MON2: variants seen among roughly 807,000 people sequenced by gnomAD.
The protein encoded by MON2 is MON2 regulator of endosome-to-Golgi trafficking, also known as protein MON2 homolog.
A neutral mutation model predicts 208.6 loss-of-function variants in MON2; 84 were observed. That is an observed-to-expected ratio of 0.40 (90% CI 0.34 to 0.48). MON2 has a LOEUF of 0.48. Among genes scored for constraint, MON2 ranks in the 20% least tolerant of loss-of-function variants. The probability of loss-of-function intolerance (pLI) is 0.59; values close to 1 mark genes in which losing one functional copy is unlikely to be tolerated. For missense variants in MON2, 1,611 were observed against 2,015.4 expected (o/e 0.80, Z 3.84); for synonymous variants, 660 against 694.0 (o/e 0.95, Z 0.77).
intron 8 of MON2, among the ~76,000 whole-genome samples, chr12:62,512,177 ATAG>A (rs2071442657): frequency 1.3e-5 from 2 of 152,144 alleles, no homozygotes; most frequent in East Asian, 3.9e-4. Flanking sequence ...CCCAAGTCTC[ATAG>A]GTCCTCATAT....
chr12:62,588,592 T>G (rs1592484865), intron 34 of MON2, among the ~76,000 whole-genome samples: 1 of 152,334 alleles, frequency 6.6e-6, no homozygotes, highest in East Asian at 1.9e-4. Context: ...CTGTTGTTCA[T>G]TCCTGTCCAG....
chr12:62,522,538 G>A (rs897873995), intron 8 of MON2, among the ~76,000 whole-genome samples: 43 of 152,120 alleles, frequency 2.8e-4, no homozygotes, highest in African/African-American at 9.7e-4. Flanking sequence ...GTCTCTTGAC[G>A]TTTAGATAAT....
intron 11 of MON2, among the ~76,000 whole-genome samples, chr12:62,526,580 A>C (rs1283511012): frequency 6.6e-6 from 1 of 152,168 alleles, no homozygotes; most frequent in Non-Finnish European, 1.5e-5. Context: ...AGGGTTAAAC[A>C]CATGAAAATT....
chr12:62,483,534 CA>C (rs1290089402), intron 1 of MON2, among the ~76,000 whole-genome samples: 1 of 151,958 alleles, frequency 6.6e-6, no homozygotes, highest in Non-Finnish European at 1.5e-5. Context: ...ACAAAAAGTA[CA>C]AAAATAAAAC....
chr12:62,500,712 C>A (rs1387554335), intron 5 of MON2, 71 bp from the exon 6 acceptor site: 7 of 700,530 alleles, frequency 1.0e-5, no homozygotes, highest in African/African-American at 7.7e-5. Context: ...TAAACATTAT[C>A]TTTTAAACAG....
At chr12:62,483,048 A>T (rs1342046220) in intron 1 of MON2, 2 of 152,076 alleles carry the variant, frequency 1.3e-5, no homozygotes, top group Non-Finnish European at 2.9e-5. Flanking sequence ...AAAAAGGGGA[A>T]AAAAAGTAAA....
Position 62,560,509 on chromosome 12 carries a change from G to A in MON2, c.3428G>A (p.Trp1143Ter). 2 of 1,606,624 alleles carry A rather than the reference G, an allele frequency of 1.2e-6. No homozygotes were observed. The highest frequency in any genetic ancestry group is 1.7e-6 in the Non-Finnish European group (2 of 1,178,036). The stretch of plus-strand genomic sequence containing the variant: ...AATATAGGAGATTTTTCAAGAGCTT[G>A]GGATGTTCTTCTTGACCATATACAG... ...LQPLGDFSRA[W>*]DVLLDHIQSA... is the part of the protein sequence containing the mutation. Residue 1143 changes from tryptophan (W) to a stop codon, truncating the protein, a stop_gained, in exon 26 of 35, where the codon TGG becomes TAG. Coordinates refer to ENST00000393630, the MANE Select transcript of MON2 (RefSeq NM_015026.3). LOFTEE classifies it high-confidence loss of function.
intron 25 of MON2, among the ~76,000 whole-genome samples, chr12:62,557,959 T>G (rs2074050520): frequency 3.4e-5 from 1 of 29,122 alleles, no homozygotes; most frequent in Non-Finnish European, 5.5e-5. Flanking sequence ...TATATATATA[T>G]ATATTTTTTT....
At chr12:62,564,121 A>G (rs910264060) in intron 26 of MON2, among the ~76,000 whole-genome samples, 14 of 152,096 alleles carry the variant, frequency 9.2e-5, no homozygotes, top group African/African-American at 2.9e-4. Context: ...ACACTTGGGT[A>G]TGGGGAGCAC....
chr12:62,480,739 T>A lies in MON2; in HGVS notation c.112-3431T>A, dbSNP rs372258931. Among the ~76,000 whole-genome samples, 4 of 152,192 alleles carry A rather than the reference T, an allele frequency of 2.6e-5. No homozygotes were observed. In the South Asian group the frequency reaches 6.2e-4, roughly 24 times the overall value. On this transcript the variant is annotated intron_variant, in intron 1 of 34. Coordinates refer to ENST00000393630, the MANE Select transcript of MON2 (RefSeq NM_015026.3). ...ATCATCTAGCACGCTACAGGATGGA[T>A]TTTGGAAACCGTTAAGGTTTGACTG... is the stretch of plus-strand genomic sequence containing the variant.
chr12:62,541,202 G>A (rs117448475), intron 19 of MON2, among the ~76,000 whole-genome samples: 2,856 of 151,980 alleles, frequency 0.019, 65 homozygotes, highest in Non-Finnish European at 0.023. Context: ...GCCAACATAG[G>A]GAACCTCTTC....
intron 30 of MON2, among the ~76,000 whole-genome samples, chr12:62,574,844 A>T (rs1027471799): frequency 1.3e-5 from 2 of 152,128 alleles, no homozygotes; most frequent in African/African-American, 2.4e-5. Context: ...TTGAAAGACA[A>T]AAAGAAGGCC....
intron 23 of MON2, among the ~76,000 whole-genome samples, chr12:62,551,987 A>C (rs1231418450): frequency 6.6e-6 from 1 of 152,196 alleles, no homozygotes; most frequent in Non-Finnish European, 1.5e-5. Context: ...AAAACAAGAT[A>C]GTTGTATCTG....
intron 1 of MON2, among the ~76,000 whole-genome samples, chr12:62,481,148 A>G (rs1422481207): frequency 6.6e-6 from 1 of 152,216 alleles, no homozygotes; most frequent in Non-Finnish European, 1.5e-5. Context: ...ATCTTGGGCC[A>G]ATCCATCATC....
rs2075529750 is a variant in MON2 at position 62,596,508 on chromosome 12, A to G, written c.*3759A>G. Reference sequence around the variant, plus strand: ...GCCAGCAGCCAGGTATGTTCCTTAGATTTCCACTTAGGTTTGGCATTTTGG... The same window carrying G: ...GCCAGCAGCCAGGTATGTTCCTTAGGTTTCCACTTAGGTTTGGCATTTTGG... On this transcript the variant is annotated 3_prime_UTR_variant, in exon 35 of 35. Transcript: ENST00000393630. 1 of 152,286 alleles carries G rather than the reference A, an allele frequency of 6.6e-6. No homozygotes were observed. Among genetic ancestry groups the G allele is most frequent in the Admixed American group, 6.5e-5 (1 of 15,296 alleles). The allele number at this position is 152,286 out of a possible 1,614,324, so 9.4% of individuals were successfully genotyped here. A position where few individuals can be genotyped will look rare whatever the true frequency, so the allele number is the denominator to read the frequency against.
rs1383295172 is a variant in MON2, at chr12:62,479,607, AAAG to A, written c.112-4557_112-4555del. 1.6e-4 allele frequency among the ~76,000 whole-genome samples: 25 copies of A among 152,278 alleles called. No individual in the cohort carries two copies. The East Asian group carries it at 4.8e-3, about 29-fold the overall frequency. ...AAGCAGTCAGCAAAGGGTTTTGAGAAAAGAAGAAAATGTTTCTTGAGAAGATTA... is the reference window on the plus strand; with the variant it reads ...AAGCAGTCAGCAAAGGGTTTTGAGAAAAGAAAATGTTTCTTGAGAAGATTA... On this transcript the variant is annotated intron_variant, in intron 1 of 34. Coordinates refer to ENST00000393630, the MANE Select transcript of MON2 (RefSeq NM_015026.3).
chr12:62,584,774 T>G (rs2075140556), intron 32 of MON2, among the ~76,000 whole-genome samples: 1 of 150,812 alleles, frequency 6.6e-6, no homozygotes, highest in African/African-American at 2.4e-5. Context: ...GGAAACAATT[T>G]CCAGAGTGAT....
chr12:62,568,303 G>A (rs1458835157), intron 29 of MON2, among the ~76,000 whole-genome samples: 1 of 152,076 alleles, frequency 6.6e-6, no homozygotes. Flanking sequence ...AACCATTGAA[G>A]GATTAAACAC....
chr12:62,544,855 T>G (rs1221950867), intron 20 of MON2, 43 bp from the exon 21 acceptor site: 1 of 1,584,764 alleles, frequency 6.3e-7, no homozygotes, highest in African/African-American at 1.4e-5. Context: ...GTGTGATTCA[T>G]AGCTTAAGTA....
Sources: allele counts gnomAD v4.1 joint callset (sites outside exome capture counted in the v4.1 genomes callset), GRCh38; gene constraint gnomAD v4.1.1; transcripts MANE v1.5; gene names NCBI Gene and HGNC (gene_info 2026-07-23, HGNC 2026-07-21).